SCHIP1: variants seen among roughly 807,000 people sequenced by gnomAD.
The protein encoded by SCHIP1 is schwannomin-interacting protein 1.
A neutral mutation model predicts 29.7 loss-of-function variants in SCHIP1; 8 were observed. The observed-to-expected ratio is 0.27, with a 90% CI of 0.16 to 0.49. The LOEUF (loss-of-function observed/expected upper bound fraction) is 0.49. Among genes scored for constraint, SCHIP1 ranks in the 20% least tolerant of loss-of-function variants. The probability of loss-of-function intolerance (pLI) is 0.99; values close to 1 mark genes in which losing one functional copy is unlikely to be tolerated. For synonymous variants in SCHIP1, 76 were observed against 94.9 expected (o/e 0.80, Z 1.16); for missense variants, 193 against 294.6 (o/e 0.66, Z 2.52).
chr3:159,537,702 G>C, the SCHIP1 span, among the ~76,000 whole-genome samples: 1 of 152,026 alleles, frequency 6.6e-6, no homozygotes, highest in Non-Finnish European at 1.5e-5. Context: ...CATAAACATG[G>C]CTTCCATGGA....
chr3:159,427,275 C>G, the SCHIP1 span, among the ~76,000 whole-genome samples: 20 of 151,410 alleles, frequency 1.3e-4, no homozygotes, highest in Admixed American at 1.3e-3. Flanking sequence ...TCTTTGCAGA[C>G]GACATGATTG....
intron 2 of SCHIP1, among the ~76,000 whole-genome samples, chr3:159,877,441 A>G (rs902495732): frequency 3.9e-5 from 6 of 152,330 alleles, no homozygotes; most frequent in Non-Finnish European, 7.4e-5. Context: ...CTTTTTCACG[A>G]CTGCGTAGAA....
At chr3:159,719,314 TA>T in the SCHIP1 span, among the ~76,000 whole-genome samples, 1 of 152,160 alleles carries the variant, frequency 6.6e-6, no homozygotes, top group African/African-American at 2.4e-5. Flanking sequence ...ATTCAGGACA[TA>T]GGCATGGGCA....
At chr3:159,447,905 G>A in the SCHIP1 span, among the ~76,000 whole-genome samples, 2 of 152,176 alleles carry the variant, frequency 1.3e-5, no homozygotes, top group East Asian at 3.9e-4. Flanking sequence ...CAGGCATTAG[G>A]GCTATAAGGT....
chr3:159,546,285 C>T, the SCHIP1 span, among the ~76,000 whole-genome samples: 1 of 152,000 alleles, frequency 6.6e-6, no homozygotes, highest in African/African-American at 2.4e-5. Flanking sequence ...TTTCTTAATC[C>T]AATTTCTGGG....
the SCHIP1 span, among the ~76,000 whole-genome samples, chr3:159,695,873 A>G: frequency 1.3e-5 from 2 of 151,760 alleles, no homozygotes; most frequent in Admixed American, 6.6e-5. Flanking sequence ...CTGCTCACTA[A>G]CCTTCCTCAT....
chr3:159,303,115 C>A, the SCHIP1 span, among the ~76,000 whole-genome samples: 1 of 152,046 alleles, frequency 6.6e-6, no homozygotes, highest in Non-Finnish European at 1.5e-5. Flanking sequence ...TTAGAGCATA[C>A]ACTACAATCA....
At chr3:159,626,157 TATATCTAGATATATCTATCTATCTAG>T in the SCHIP1 span, among the ~76,000 whole-genome samples, 1 of 113,552 alleles carries the variant, frequency 8.8e-6, no homozygotes, top group African/African-American at 5.7e-5. Flanking sequence ...GATATATATA[TATATCTAGATATATCTATCTATCTAG>T]ATAGATAGAT....
chr3:159,728,270 A>C, the SCHIP1 span, among the ~76,000 whole-genome samples: 10 of 152,176 alleles, frequency 6.6e-5, no homozygotes, highest in East Asian at 1.9e-3. Context: ...AGTGGGCCTT[A>C]CCTTTATGTC....
the SCHIP1 span, among the ~76,000 whole-genome samples, chr3:159,831,212 G>A: frequency 7.9e-5 from 12 of 152,292 alleles, no homozygotes; most frequent in South Asian, 2.1e-3. Context: ...TAATGAATGA[G>A]GGCCTCATGT....
the SCHIP1 span, among the ~76,000 whole-genome samples, chr3:159,699,823 G>A: frequency 6.6e-6 from 1 of 152,292 alleles, no homozygotes; most frequent in African/African-American, 2.4e-5. Flanking sequence ...GAAGAAACAG[G>A]TGGCAAGCAG....
chr3:159,350,580 T>C, the SCHIP1 span, among the ~76,000 whole-genome samples: 1 of 152,202 alleles, frequency 6.6e-6, no homozygotes, highest in Non-Finnish European at 1.5e-5. Context: ...ATATTTTTAA[T>C]ATTTATTTTT....
At chr3:159,544,843 A>G in the SCHIP1 span, among the ~76,000 whole-genome samples, 2 of 152,098 alleles carry the variant, frequency 1.3e-5, no homozygotes, top group Admixed American at 6.6e-5. Context: ...GAAATTTTAA[A>G]ACTTTTAATG....
chr3:159,746,832 T>A, the SCHIP1 span, among the ~76,000 whole-genome samples: 5 of 152,346 alleles, frequency 3.3e-5, no homozygotes, highest in East Asian at 9.6e-4. Context: ...CAAATTGGAA[T>A]ATCCTTCTGT....
chr3:159,887,930 A>G, intron 4 of SCHIP1, 25 bp downstream of exon 5: 5 of 1,612,916 alleles, frequency 3.1e-6, no homozygotes, highest in Non-Finnish European at 4.2e-6. Flanking sequence ...CTGAAATGCA[A>G]GGAAGTGTTT....
chr3:159,424,801 GT>G, the SCHIP1 span, among the ~76,000 whole-genome samples: 625 of 152,176 alleles, frequency 4.1e-3, 10 homozygotes, highest in African/African-American at 0.013. Context: ...GAAAGGTAGG[GT>G]TACCCACAAA....
chr3:159,655,842 T>C, the SCHIP1 span, among the ~76,000 whole-genome samples: 5 of 152,168 alleles, frequency 3.3e-5, no homozygotes, highest in Admixed American at 6.5e-5. Flanking sequence ...TGAGCTGGGA[T>C]TGTGCCACTG....
At chr3:159,868,090 C>T (rs567152279) in intron 2 of SCHIP1, among the ~76,000 whole-genome samples, 138 of 148,130 alleles carry the variant, frequency 9.3e-4, no homozygotes, top group Non-Finnish European at 1.8e-3. Flanking sequence ...ATATAACATA[C>T]GTATATATTA....
the SCHIP1 span, among the ~76,000 whole-genome samples, chr3:159,300,336 G>A: frequency 6.6e-6 from 1 of 151,552 alleles, no homozygotes; most frequent in African/African-American, 2.4e-5. Context: ...ATCTCACTAT[G>A]TTGCCCAGAC....
Sources: allele counts gnomAD v4.1 joint callset (sites outside exome capture counted in the v4.1 genomes callset), GRCh38; gene constraint gnomAD v4.1.1; transcripts MANE v1.5; gene names NCBI Gene and HGNC (gene_info 2026-07-23, HGNC 2026-07-21).